Variants in ZNF143 observed in about 807,000 individuals in gnomAD.
The protein encoded by ZNF143 is zinc finger protein 143.
Under a neutral mutation model 74.1 loss-of-function variants are expected in ZNF143, and 49 were observed. That is an observed-to-expected ratio of 0.66 (90% CI 0.53 to 0.84). ZNF143 has a LOEUF of 0.84. Ranked by LOEUF, ZNF143 falls within the 40% of genes least tolerant of loss-of-function variation. ZNF143 has a pLI of 0.00. For missense variants in ZNF143, 637 were observed against 793.4 expected (o/e 0.80, Z 2.37); for synonymous variants, 304 against 282.8 (o/e 1.07, Z -0.75).
chr11:9,476,969 A>G (rs1298008103), intron 5 of ZNF143, among the ~76,000 whole-genome samples: 1 of 150,446 alleles, frequency 6.6e-6, no homozygotes, highest in African/African-American at 2.4e-5. Context: ...TCACCGTGTT[A>G]GCCAGGATGG....
chr11:9,496,484 A>G, intron 9 of ZNF143, 106 bp downstream of exon 9: 1 of 911,392 alleles, frequency 1.1e-6, no homozygotes, highest in South Asian at 1.4e-5. Flanking sequence ...CTGCAGAAGC[A>G]CATGATCAGT....
At chr11:9,490,296 T>C in intron 7 of ZNF143, among the ~76,000 whole-genome samples, 1 of 143,788 alleles carries the variant, frequency 7.0e-6, no homozygotes, top group Non-Finnish European at 1.5e-5. Context: ...TTTTTTTGCT[T>C]TTTTTTTTTT....
intron 13 of ZNF143, among the ~76,000 whole-genome samples, chr11:9,513,353 T>C (rs1848618059): frequency 6.6e-6 from 1 of 152,240 alleles, no homozygotes; most frequent in African/African-American, 2.4e-5. Context: ...ATTTATCTCC[T>C]TCCTCACTTT....
At chr11:9,476,746 CTTTTTTTT>C (rs869069237) in intron 5 of ZNF143, among the ~76,000 whole-genome samples, 122 of 34,840 alleles carry the variant, frequency 3.5e-3, no homozygotes, top group African/African-American at 0.01. Flanking sequence ...AGGGAGGAAT[CTTTTTTTT>C]TTTTTTTTTT....
rs546924178 is a variant in ZNF143, at chr11:9,478,367, G to C, written c.374-23G>C. On this transcript the variant is annotated intron_variant, in intron 5 of 15. Transcript: ENST00000396602. Reference sequence around the variant, plus strand: ...TGTCAGATTTTACCTTTAATTTAATGGCATTCTCTTCCACTCTCTCAGATA... The same window carrying C: ...TGTCAGATTTTACCTTTAATTTAATCGCATTCTCTTCCACTCTCTCAGATA... 6 of 1,590,852 alleles carry C rather than the reference G, an allele frequency of 3.8e-6. No homozygotes were observed. In the African/African-American group the frequency reaches 8.0e-5, roughly 21 times the overall value.
intron 13 of ZNF143, among the ~76,000 whole-genome samples, chr11:9,513,336 C>G (rs1589939258): frequency 6.6e-6 from 1 of 152,192 alleles, no homozygotes; most frequent in Non-Finnish European, 1.5e-5. Context: ...AGCTCTTACA[C>G]CTTCTCATTT....
chr11:9,494,796 A>C (rs758436641), intron 8 of ZNF143, 31 bp downstream of exon 8: 1 of 1,579,628 alleles, frequency 6.3e-7, no homozygotes, highest in South Asian at 1.1e-5. Context: ...CTATCTAGTT[A>C]TGAGAATACC....
rs576650700 is a variant in ZNF143 at position 9,510,218 on chromosome 11, G to T, written c.1375+1372G>T. On this transcript the variant is annotated intron_variant, in intron 12 of 15. Coordinates refer to ENST00000396602, the MANE Select transcript of ZNF143 (RefSeq NM_003442.6). ...CGGCTCACTGCAAGCTTCGCCTCCCGGGTTCATTCCATTCTCCTGCCTCAG... is the reference window on the plus strand; with the variant it reads ...CGGCTCACTGCAAGCTTCGCCTCCCTGGTTCATTCCATTCTCCTGCCTCAG... Among the ~76,000 whole-genome samples the T allele has an allele frequency of 6.6e-5, 10 of 151,230 alleles. No individual in the cohort carries two copies. In the South Asian group the frequency reaches 1.9e-3, roughly 28 times the overall value.
chr11:9,508,989 C>A (rs1471215856), intron 12 of ZNF143, 143 bp downstream of exon 12: 3 of 898,826 alleles, frequency 3.3e-6, no homozygotes, highest in Admixed American at 2.5e-5. Flanking sequence ...GCAGTAAGTG[C>A]TATTGAAGAA....
chr11:9,498,298 A>G (rs1336339581), intron 10 of ZNF143, among the ~76,000 whole-genome samples: 2 of 152,228 alleles, frequency 1.3e-5, no homozygotes, highest in Non-Finnish European at 2.9e-5. Context: ...TTAGATTCTC[A>G]GAAGGGTCCA....
At chr11:9,488,835 A>C (rs1399290941) in intron 7 of ZNF143, among the ~76,000 whole-genome samples, 1 of 152,142 alleles carries the variant, frequency 6.6e-6, no homozygotes, top group African/African-American at 2.4e-5. Flanking sequence ...GATAGGTATA[A>C]AGGGTAGTTA....
chr11:9,519,421 C>T (rs931752596), intron 14 of ZNF143, among the ~76,000 whole-genome samples: 2 of 152,140 alleles, frequency 1.3e-5, no homozygotes, highest in Non-Finnish European at 2.9e-5. Context: ...GCTAGGATTA[C>T]AGGCGTGAGC....
At position 9,512,493 on chromosome 11, in the gene ZNF143, C is replaced by A; in HGVS notation, c.1421C>A (p.Thr474Lys). ...VLKGSQITYV[T>K]GVEGDDVVST... ...AAAGGGTCCCAGATTACGTATGTTA[C>A]AGGTGTAGAAGGGGACGACGTTGTT... Residue 474 changes from threonine to lysine, a missense_variant, in exon 13 of 16, where the codon ACA (threonine) becomes AAA (lysine). Transcript: ENST00000396602. 1 of 1,614,180 alleles carries A rather than the reference C, an allele frequency of 6.2e-7. No homozygotes were observed.
At chr11:9,486,422 A>ATATATATAATATAT (rs1565039278) in intron 7 of ZNF143, among the ~76,000 whole-genome samples, 2 of 36,450 alleles carry the variant, frequency 5.5e-5, no homozygotes, top group African/African-American at 9.5e-5. Context: ...AATATATATT[A>ATATATATAATATAT]TATATATTAT....
At chr11:9,474,131 C>A in intron 4 of ZNF143, 107 bp downstream of exon 4, 1 of 868,954 alleles carries the variant, frequency 1.2e-6, no homozygotes, top group South Asian at 1.4e-5. Context: ...GTTCTCAAGT[C>A]CTCCTTCTGT....
intron 11 of ZNF143, among the ~76,000 whole-genome samples, chr11:9,502,560 A>T (rs953521464): frequency 1.3e-5 from 2 of 150,148 alleles, no homozygotes; most frequent in African/African-American, 2.4e-5. Flanking sequence ...CAGTGAGTTG[A>T]GATCGCACCA....
intron 1 of ZNF143, among the ~76,000 whole-genome samples, chr11:9,470,668 A>G (rs1316793637): frequency 6.6e-6 from 1 of 152,174 alleles, no homozygotes; most frequent in African/African-American, 2.4e-5. Context: ...GGGCAAGATC[A>G]TTGGCCTCAT....
chr11:9,474,767 A>G, intron 5 of ZNF143, 134 bp downstream of exon 5: 1 of 969,932 alleles, frequency 1.0e-6, no homozygotes, highest in South Asian at 1.6e-5. Context: ...AAGGTGGCAG[A>G]TTTAAGCATG....
At chr11:9,496,160 G>A (rs1043149713) in intron 8 of ZNF143, 143 bp from the exon 9 acceptor site, 9 of 670,226 alleles carry the variant, frequency 1.3e-5, no homozygotes, top group East Asian at 2.8e-5. Flanking sequence ...TTGGGCTATC[G>A]TTTTTGTGAA....
Sources: gnomAD v4.1 joint callset for allele counts (sites outside exome capture counted in the v4.1 genomes callset) on GRCh38, gnomAD v4.1.1 for gene constraint, MANE v1.5 for transcripts, NCBI Gene and HGNC (gene_info 2026-07-23, HGNC 2026-07-21) for gene names.